The following PDE4D variants were observed in gnomAD, a reference collection of about 807,000 sequenced individuals.
PDE4D encodes the protein phosphodiesterase 4D, also known as 3',5'-cyclic-AMP phosphodiesterase 4D.
In PDE4D, 24 loss-of-function variants were observed where a neutral mutation model predicts 87.4. That is an observed-to-expected ratio of 0.27 (90% CI 0.20 to 0.39). The LOEUF is 0.39. PDE4D is among the 10% of genes least tolerant of loss of function. The probability of loss-of-function intolerance (pLI) is 1.00; values close to 1 mark genes in which losing one functional copy is unlikely to be tolerated. For synonymous variants in PDE4D, 384 were observed against 383.2 expected, an observed-to-expected ratio of 1.00 and a Z score of -0.02; for missense variants, 714 against 1,041.0, an observed-to-expected ratio of 0.69 and a Z score of 4.32.
chr5:59,185,044 T>C, intron 4 of PDE4D, 145 bp downstream of exon 4: 1 of 573,850 alleles, frequency 1.7e-6, no homozygotes, highest in East Asian at 2.9e-5. Context: ...TTATAGAAAA[T>C]TAACAGGACA....
chr5:60,451,554 A>G (rs755716054), intron 1 of PDE4D, among the ~76,000 whole-genome samples: 9 of 152,060 alleles, frequency 5.9e-5, no homozygotes, highest in Non-Finnish European at 1.3e-4. Flanking sequence ...ACGTCATAAT[A>G]GATGTCTTTA....
intron 1 of PDE4D, among the ~76,000 whole-genome samples, chr5:60,362,085 G>T (rs1418884222): frequency 6.6e-6 from 1 of 152,194 alleles, no homozygotes; most frequent in African/African-American, 2.4e-5. Flanking sequence ...TGTAATCAGT[G>T]CTGGGAATAG....
chr5:59,610,037 T>G (rs923209826), intron 1 of PDE4D, among the ~76,000 whole-genome samples: 3 of 152,208 alleles, frequency 2.0e-5, no homozygotes, highest in African/African-American at 7.2e-5. Context: ...AATAGTGTTC[T>G]GGTACTGCCC....
intron 2 of PDE4D, among the ~76,000 whole-genome samples, chr5:60,077,232 T>G (rs1322019469): frequency 6.6e-6 from 1 of 152,190 alleles, no homozygotes; most frequent in Non-Finnish European, 1.5e-5. Flanking sequence ...GGTGCACTCA[T>G]GCAGGCAGCA....
chr5:59,400,723 TA>T (rs1790440357), intron 1 of PDE4D, among the ~76,000 whole-genome samples: 1 of 129,338 alleles, frequency 7.7e-6, no homozygotes, highest in Admixed American at 7.7e-5. Flanking sequence ...CCCTAAAACT[TA>T]AAGTATAATA....
intron 1 of PDE4D, chr5:59,768,393 C>T: frequency 1.3e-6 from 2 of 1,598,350 alleles, no homozygotes; most frequent in Non-Finnish European, 1.7e-6. Context: ...ACTTCTCATG[C>T]TGCAACAGGT....
At chr5:59,104,521 CA>C in intron 5 of PDE4D, among the ~76,000 whole-genome samples, 1 of 152,300 alleles carries the variant, frequency 6.6e-6, no homozygotes, top group South Asian at 2.1e-4. Context: ...TAAAGGGATA[CA>C]TAGCCTTGAA....
chr5:60,125,476 T>C lies in PDE4D; in HGVS notation c.42+60081A>G, dbSNP rs183759255. Among the ~76,000 whole-genome samples the C allele has an allele frequency of 2.6e-3, 402 of 152,248 alleles. 3 individuals are homozygous for C. The highest frequency in any genetic ancestry group is 9.3e-3 in the African/African-American group (387 of 41,550). ...CTATAGTAGATGCTACTGACGGTCT[T>C]CTCAGATCCCCTTTATTGGGCAGGT... On this transcript the variant is annotated intron_variant, in intron 2 of 16. Transcript: ENST00000502484.
intron 1 of PDE4D, among the ~76,000 whole-genome samples, chr5:60,208,425 A>G (rs776389310): frequency 2.0e-5 from 3 of 152,178 alleles, no homozygotes; most frequent in Non-Finnish European, 4.4e-5. Flanking sequence ...GAGATATCAC[A>G]GGGTGTATGT....
chr5:60,517,922 G>A (rs547051119), intron 1 of PDE4D, among the ~76,000 whole-genome samples: 1 of 152,332 alleles, frequency 6.6e-6, no homozygotes, highest in African/African-American at 2.4e-5. Context: ...AGAGAAGAGA[G>A]AAGAAGAGAG....
rs1216543537 is a variant in PDE4D at position 60,290,360 on chromosome 5, CA to C, written c.-89-104674del. Among the ~76,000 whole-genome samples the C allele has an allele frequency of 2.6e-5, 4 of 151,140 alleles. No individual in the cohort carries two copies. In the East Asian group the frequency reaches 5.8e-4, roughly 22 times the overall value. On this transcript the variant is annotated intron_variant, in intron 1 of 16. Transcript: ENST00000502484. ...TCAAGGAAACAAAATGTATAAGGAA[CA>C]AAAAAAGAAATTAATGTGTGATAAA...
intron 1 of PDE4D, among the ~76,000 whole-genome samples, chr5:60,474,963 T>C (rs1748193810): frequency 6.6e-6 from 1 of 152,228 alleles, no homozygotes; most frequent in Non-Finnish European, 1.5e-5. Context: ...CTCTAAATGC[T>C]TGAATGGCTT....
At chr5:59,502,139 A>C (rs1346929150) in intron 1 of PDE4D, among the ~76,000 whole-genome samples, 2 of 152,142 alleles carry the variant, frequency 1.3e-5, no homozygotes, top group African/African-American at 4.8e-5. Context: ...CATTACTCTT[A>C]GAAGAGAGTA....
chr5:59,866,949 C>A (rs1318137831), intron 1 of PDE4D, among the ~76,000 whole-genome samples: 1 of 152,156 alleles, frequency 6.6e-6, no homozygotes. Context: ...ACCCTAGAGA[C>A]TAACTAAGCA....
chr5:59,233,578 C>T (rs1320998305), intron 1 of PDE4D, among the ~76,000 whole-genome samples: 1 of 152,114 alleles, frequency 6.6e-6, no homozygotes, highest in Non-Finnish European at 1.5e-5. Flanking sequence ...CTGTTCTGAA[C>T]TCATAGGCTA....
At chr5:59,324,412 G>A (rs996916928) in intron 1 of PDE4D, among the ~76,000 whole-genome samples, 2 of 152,158 alleles carry the variant, frequency 1.3e-5, no homozygotes, top group African/African-American at 4.8e-5. Context: ...AAACCTGATT[G>A]TCTCAGCTAA....
At chr5:59,295,002 T>C (rs1007625206) in intron 1 of PDE4D, among the ~76,000 whole-genome samples, 7 of 152,204 alleles carry the variant, frequency 4.6e-5, no homozygotes, top group African/African-American at 1.4e-4. Context: ...TAGAAATCCA[T>C]GGAGTTTCAG....
intron 2 of PDE4D, among the ~76,000 whole-genome samples, chr5:60,036,358 T>C (rs78556312): frequency 0.029 from 4,366 of 152,272 alleles, 205 homozygotes; most frequent in African/African-American, 0.1. Flanking sequence ...ATACGTTTTG[T>C]TTAAAATCCA....
At chr5:59,690,057 G>A (rs1303381787) in intron 1 of PDE4D, among the ~76,000 whole-genome samples, 2 of 152,032 alleles carry the variant, frequency 1.3e-5, no homozygotes, top group East Asian at 1.9e-4. Flanking sequence ...ACTGCTCAAT[G>A]AAATAAAAGA....
Sources: gnomAD v4.1 joint callset for allele counts (sites outside exome capture counted in the v4.1 genomes callset) on GRCh38, gnomAD v4.1.1 for gene constraint, MANE v1.5 for transcripts, NCBI Gene and HGNC (gene_info 2026-07-23, HGNC 2026-07-21) for gene names.